The following DCDC1 variants were observed in gnomAD, a reference collection of about 807,000 sequenced individuals.
DCDC1 encodes the protein doublecortin domain containing 1.
In DCDC1, 200 loss-of-function variants were observed where a neutral mutation model predicts 178.3. The observed-to-expected ratio is 1.12, with a 90% CI of 1.00 to 1.26. The LOEUF (loss-of-function observed/expected upper bound fraction) is 1.26. DCDC1 is among the 50% of genes most tolerant of loss of function. The probability of loss-of-function intolerance (pLI) is 0.00; values close to 1 mark genes in which losing one functional copy is unlikely to be tolerated. For missense variants in DCDC1, 1,983 were observed against 1,749.2 expected (o/e 1.13, Z -2.38); for synonymous variants, 690 against 604.8 (o/e 1.14, Z -2.07).
In DCDC1 at chr11:30,950,491, T is replaced by C. The variant is rs553321319; in HGVS notation, c.2715+1954A>G. ...AACAGATGAATGGACAAAGAAAATG[T>C]TGTATACACAGTAAAGTATTTCAGC... On this transcript the variant is annotated intron_variant, in intron 21 of 38. Coordinates refer to ENST00000684477, the MANE Select transcript of DCDC1 (RefSeq NM_001387274.1). Among the ~76,000 whole-genome samples, 12 of 152,284 alleles carry C rather than the reference T, an allele frequency of 7.9e-5. No individual in the cohort carries two copies. In the South Asian group the frequency reaches 2.1e-3, roughly 26 times the overall value.
At chr11:31,116,875 T>G (rs376121337) in intron 11 of DCDC1, among the ~76,000 whole-genome samples, 29 of 151,302 alleles carry the variant, frequency 1.9e-4, no homozygotes, top group African/African-American at 6.8e-4. Flanking sequence ...CAACAATCAA[T>G]TTTTTTTTAA....
chr11:31,350,671 T>C (rs1407542327), intron 1 of DCDC1, among the ~76,000 whole-genome samples: 1 of 152,156 alleles, frequency 6.6e-6, no homozygotes, highest in East Asian at 1.9e-4. Flanking sequence ...AATATGCTCA[T>C]TGTTCTGTTG....
chr11:31,166,361 C>T (rs761457854), intron 9 of DCDC1, among the ~76,000 whole-genome samples: 5 of 152,056 alleles, frequency 3.3e-5, no homozygotes, highest in Non-Finnish European at 7.4e-5. Flanking sequence ...GTGAAACAAA[C>T]TGAAATACGA....
intron 3 of DCDC1, among the ~76,000 whole-genome samples, chr11:31,327,041 C>T (rs1286530130): frequency 6.6e-6 from 1 of 152,048 alleles, no homozygotes; most frequent in Non-Finnish European, 1.5e-5. Flanking sequence ...CATACCATAC[C>T]TTCTTTATTA....
chr11:31,136,520 A>G (rs867439711), intron 10 of DCDC1, among the ~76,000 whole-genome samples: 2 of 152,130 alleles, frequency 1.3e-5, no homozygotes, highest in Middle Eastern at 3.2e-3. Flanking sequence ...TACAAAACAC[A>G]TGGTTAGTAA....
chr11:30,932,239 G>T (rs1245133930), intron 21 of DCDC1, among the ~76,000 whole-genome samples: 1 of 152,014 alleles, frequency 6.6e-6, no homozygotes, highest in Non-Finnish European at 1.5e-5. Flanking sequence ...AATGAACTTG[G>T]AATACTTTTG....
chr11:31,198,712 T>C (rs1970967385), intron 9 of DCDC1, among the ~76,000 whole-genome samples: 1 of 152,040 alleles, frequency 6.6e-6, no homozygotes, highest in African/African-American at 2.4e-5. Flanking sequence ...GTGGCCCCTT[T>C]CTACCAATAG....
chr11:31,081,378 G>T lies in DCDC1; in HGVS notation c.2238-3453C>A, dbSNP rs181731320. ...TAATCCCAGCACTTTGGGAGGCCGA[G>T]GCGGGTGGATCACGAGGTCAGGAGA... is the stretch of plus-strand genomic sequence containing the variant. On this transcript the variant is annotated intron_variant, in intron 17 of 38. Coordinates refer to ENST00000684477, the MANE Select transcript of DCDC1 (RefSeq NM_001387274.1). Among the ~76,000 whole-genome samples, 302 of 152,278 alleles carry T rather than the reference G, an allele frequency of 2.0e-3. 1 individual carries two copies. Among genetic ancestry groups the T allele is most frequent in the African/African-American group, 7.0e-3 (290 of 41,574 alleles).
chr11:31,095,951 A>G (rs1038602863), intron 15 of DCDC1, among the ~76,000 whole-genome samples: 2 of 152,218 alleles, frequency 1.3e-5, no homozygotes, highest in Non-Finnish European at 2.9e-5. Flanking sequence ...TTCAATAACA[A>G]TTTATTTCCT....
intron 36 of DCDC1, among the ~76,000 whole-genome samples, chr11:30,889,624 G>T (rs1018223989): frequency 6.6e-6 from 1 of 152,094 alleles, no homozygotes; most frequent in African/African-American, 2.4e-5. Context: ...AGCGTGAAAG[G>T]ATACATTCCT....
chr11:30,877,962 A>G (rs987228448), intron 38 of DCDC1, among the ~76,000 whole-genome samples: 1 of 152,152 alleles, frequency 6.6e-6, no homozygotes, highest in African/African-American at 2.4e-5. Context: ...ATTATATATA[A>G]AAAGTATTTT....
chr11:31,036,452 T>A (rs1954031568), intron 20 of DCDC1, among the ~76,000 whole-genome samples: 1 of 152,194 alleles, frequency 6.6e-6, no homozygotes, highest in Non-Finnish European at 1.5e-5. Context: ...CTGACCCACC[T>A]ATGTCTCTGT....
At chr11:30,959,525 T>C (rs932902517) in intron 20 of DCDC1, among the ~76,000 whole-genome samples, 5 of 152,176 alleles carry the variant, frequency 3.3e-5, no homozygotes, top group African/African-American at 1.2e-4. Context: ...AACTATGGAA[T>C]GCTCATGGGT....
intron 34 of DCDC1, among the ~76,000 whole-genome samples, chr11:30,896,576 A>T (rs1272800644): frequency 6.6e-6 from 1 of 152,194 alleles, no homozygotes; most frequent in Non-Finnish European, 1.5e-5. Flanking sequence ...GGTTTCAGTT[A>T]GCAGACTTAT....
chr11:31,339,578 T>A (rs534996012), intron 1 of DCDC1, among the ~76,000 whole-genome samples: 19 of 152,118 alleles, frequency 1.2e-4, no homozygotes, highest in Admixed American at 3.3e-4. Flanking sequence ...TTAAAAAAAA[T>A]TTTATGAGAG....
At chr11:31,309,003 C>G (rs1948615348) in intron 3 of DCDC1, among the ~76,000 whole-genome samples, 2 of 152,204 alleles carry the variant, frequency 1.3e-5, no homozygotes, top group South Asian at 4.1e-4. Context: ...TCCTCCAAAT[C>G]TTTCACATCC....
intron 20 of DCDC1, among the ~76,000 whole-genome samples, chr11:30,957,803 G>A (rs552002482): frequency 4.6e-5 from 7 of 152,124 alleles, no homozygotes; most frequent in African/African-American, 7.2e-5. Context: ...CAGATGCAAC[G>A]ACATCCTATA....
intron 20 of DCDC1, among the ~76,000 whole-genome samples, chr11:30,989,442 C>A (rs369800050): frequency 5.6e-4 from 85 of 152,252 alleles, no homozygotes; most frequent in African/African-American, 2.0e-3. Flanking sequence ...TCTGAGAGCC[C>A]TATCATGGTC....
At chr11:31,308,058 G>C in intron 3 of DCDC1, 150 bp from the exon 4 acceptor site, 1 of 1,057,250 alleles carries the variant, frequency 9.5e-7, no homozygotes, top group Non-Finnish European at 1.3e-6. Context: ...ATATTCCTGG[G>C]AAGTGGTTAT....
Sources: gnomAD v4.1 joint callset for allele counts (sites outside exome capture counted in the v4.1 genomes callset) on GRCh38, gnomAD v4.1.1 for gene constraint, MANE v1.5 for transcripts, NCBI Gene and HGNC (gene_info 2026-07-23, HGNC 2026-07-21) for gene names.